CRPPA: variants seen among roughly 807,000 people sequenced by gnomAD.
CRPPA encodes D-ribitol-5-phosphate cytidylyltransferase.
A neutral mutation model predicts 52.0 loss-of-function variants in CRPPA; 43 were observed. That is an observed-to-expected ratio of 0.83 (90% CI 0.65 to 1.07). CRPPA has a LOEUF of 1.07. Ranked by LOEUF, CRPPA falls within the 50% of genes least tolerant of loss-of-function variation. The pLI is 0.00. For missense variants in CRPPA, 629 were observed against 551.7 expected (o/e 1.14, Z -1.40); for synonymous variants, 250 against 203.5 (o/e 1.23, Z -1.94).
intron 3 of CRPPA, among the ~76,000 whole-genome samples, chr7:16,363,515 A>G (rs953979187): frequency 3.9e-5 from 6 of 152,198 alleles, no homozygotes; most frequent in African/African-American, 1.4e-4. Context: ...GTAGGAAAAG[A>G]ATGAGATTTC....
intron 3 of CRPPA, among the ~76,000 whole-genome samples, chr7:16,347,883 G>C (rs192863933): frequency 4.6e-5 from 7 of 152,100 alleles, no homozygotes; most frequent in Admixed American, 4.6e-4. Flanking sequence ...ACCAATGCAG[G>C]GAGTGAAGAG....
At chr7:16,404,801 A>G (rs758856722) in intron 2 of CRPPA, among the ~76,000 whole-genome samples, 4 of 152,106 alleles carry the variant, frequency 2.6e-5, no homozygotes, top group Admixed American at 6.6e-5. Flanking sequence ...CTCTACCACA[A>G]TTGAGCTGTC....
chr7:16,400,684 A>T (rs546776976), intron 2 of CRPPA, among the ~76,000 whole-genome samples: 11 of 152,342 alleles, frequency 7.2e-5, no homozygotes, highest in African/African-American at 2.6e-4. Context: ...TGTGAGATAC[A>T]TAACCAACTC....
chr7:16,134,543 T>G (rs1343233966), intron 9 of CRPPA, among the ~76,000 whole-genome samples: 1 of 152,214 alleles, frequency 6.6e-6, no homozygotes, highest in African/African-American at 2.4e-5. Context: ...AACAGTAGGT[T>G]AGTAGTCAAG....
intron 8 of CRPPA, among the ~76,000 whole-genome samples, chr7:16,246,950 C>A (rs572926728): frequency 1.3e-5 from 2 of 152,232 alleles, no homozygotes; most frequent in African/African-American, 4.8e-5. Flanking sequence ...GTCAGTCTAT[C>A]ATTTGAAGCT....
At chr7:16,368,080 G>C (rs1298090559) in intron 3 of CRPPA, among the ~76,000 whole-genome samples, 1 of 152,054 alleles carries the variant, frequency 6.6e-6, no homozygotes, top group Non-Finnish European at 1.5e-5. Flanking sequence ...ATAAAATTCA[G>C]AATACCATCT....
chr7:16,172,652 CTG>C, intron 9 of CRPPA, among the ~76,000 whole-genome samples: 1 of 152,196 alleles, frequency 6.6e-6, no homozygotes, highest in Non-Finnish European at 1.5e-5. Flanking sequence ...AATACTCAAA[CTG>C]TGAAACTACT....
chr7:16,180,863 A>G (rs1438885142), intron 9 of CRPPA, among the ~76,000 whole-genome samples: 2 of 152,078 alleles, frequency 1.3e-5, no homozygotes, highest in African/African-American at 4.8e-5. Context: ...GAAAAATATC[A>G]AAGCTGTATG....
chr7:16,133,563 C>T (rs1459943665), intron 9 of CRPPA, among the ~76,000 whole-genome samples: 1 of 124,522 alleles, frequency 8.0e-6, no homozygotes, highest in Non-Finnish European at 1.8e-5. Flanking sequence ...ATCATCTCCA[C>T]ATGAGCAGTT....
intron 3 of CRPPA, among the ~76,000 whole-genome samples, chr7:16,316,147 G>A (rs1015038962): frequency 4.6e-5 from 7 of 152,060 alleles, no homozygotes; most frequent in African/African-American, 1.7e-4. Context: ...ATACAGAAGA[G>A]GAACAAAGGG....
intron 3 of CRPPA, among the ~76,000 whole-genome samples, chr7:16,367,411 T>C (rs937234000): frequency 2.0e-5 from 3 of 152,116 alleles, no homozygotes; most frequent in African/African-American, 4.8e-5. Flanking sequence ...CTTCTGAGAG[T>C]TGTAATGCTT....
At chr7:16,095,869 T>C (rs946968766) in intron 9 of CRPPA, among the ~76,000 whole-genome samples, 1 of 152,188 alleles carries the variant, frequency 6.6e-6, no homozygotes, top group African/African-American at 2.4e-5. Context: ...AGCTCCTAAC[T>C]GTGCATGCCC....
chr7:16,156,696 G>C (rs572746177), intron 9 of CRPPA, among the ~76,000 whole-genome samples: 2 of 152,244 alleles, frequency 1.3e-5, no homozygotes, highest in African/African-American at 4.8e-5. Context: ...AAAATACAGA[G>C]GTTTCATGGC....
At chr7:16,111,917 T>A (rs1782272520) in intron 9 of CRPPA, among the ~76,000 whole-genome samples, 1 of 152,208 alleles carries the variant, frequency 6.6e-6, no homozygotes, top group Non-Finnish European at 1.5e-5. Flanking sequence ...CCAAATGTTC[T>A]CACCACAAAA....
At chr7:16,287,632 C>T (rs1415393573) in intron 5 of CRPPA, among the ~76,000 whole-genome samples, 1 of 152,006 alleles carries the variant, frequency 6.6e-6, no homozygotes, top group Non-Finnish European at 1.5e-5. Context: ...GAAATATTGG[C>T]TGGGCACGGT....
At chr7:16,411,082 T>C (rs942261967) in intron 1 of CRPPA, among the ~76,000 whole-genome samples, 2 of 152,166 alleles carry the variant, frequency 1.3e-5, no homozygotes, top group Admixed American at 6.5e-5. Flanking sequence ...TTCAGTAACA[T>C]AGTAGAAATA....
At chr7:16,305,725 G>GTGTGGCGGCAAGCGCC (rs1255779957) in intron 4 of CRPPA, among the ~76,000 whole-genome samples, 2 of 152,084 alleles carry the variant, frequency 1.3e-5, no homozygotes, top group Non-Finnish European at 2.9e-5. Context: ...AATTAGCTGA[G>GTGTGGCGGCAAGCGCC]TGTGGTGGCA....
intron 9 of CRPPA, among the ~76,000 whole-genome samples, chr7:16,157,858 A>C (rs761767540): frequency 1.1e-4 from 16 of 151,574 alleles, no homozygotes; most frequent in Non-Finnish European, 2.2e-4. Flanking sequence ...CCCTTTTTCT[A>C]AATGTAGATA....
At chr7:16,356,050 C>T (rs557806284) in intron 3 of CRPPA, among the ~76,000 whole-genome samples, 1 of 129,426 alleles carries the variant, frequency 7.7e-6, no homozygotes, top group East Asian at 2.6e-4. Context: ...ATAAGTGGAA[C>T]TGGAAAAAAA....
Sources: gnomAD v4.1 joint callset for allele counts (sites outside exome capture counted in the v4.1 genomes callset) on GRCh38, gnomAD v4.1.1 for gene constraint, MANE v1.5 for transcripts, NCBI Gene and HGNC (gene_info 2026-07-23, HGNC 2026-07-21) for gene names.